Variants in ASTN2 observed in about 807,000 individuals in gnomAD.
ASTN2 encodes astrotactin-2.
In ASTN2, 54 loss-of-function variants were observed where a neutral mutation model predicts 139.8. The ratio of observed to expected loss-of-function variants is 0.39; its 90% CI spans 0.31 to 0.48. ASTN2 has a LOEUF of 0.48. ASTN2 is among the 20% of genes least tolerant of loss of function. The pLI is 0.95. For missense variants in ASTN2, 1,565 were observed against 1,725.1 expected, an observed-to-expected ratio of 0.91 and a Z score of 1.64; for synonymous variants, 756 against 719.5, an observed-to-expected ratio of 1.05 and a Z score of -0.81.
chr9:117,271,755 A>C (rs1367987285), intron 2 of ASTN2, among the ~76,000 whole-genome samples: 1 of 152,184 alleles, frequency 6.6e-6, no homozygotes, highest in Non-Finnish European at 1.5e-5. Flanking sequence ...TAAAGCTCCA[A>C]AATGATCTCT....
intron 11 of ASTN2, among the ~76,000 whole-genome samples, chr9:116,851,614 T>C (rs971347150): frequency 1.3e-5 from 2 of 152,148 alleles, no homozygotes; most frequent in Non-Finnish European, 2.9e-5. Flanking sequence ...ATATTGTTCT[T>C]TATTTTTTCT....
intron 1 of ASTN2, among the ~76,000 whole-genome samples, chr9:117,295,797 A>G (rs943867784): frequency 6.6e-6 from 1 of 152,018 alleles, no homozygotes; most frequent in African/African-American, 2.4e-5. Flanking sequence ...GAAAACTCCA[A>G]AGTGGGAAAA....
intron 7 of ASTN2, among the ~76,000 whole-genome samples, chr9:116,982,289 G>C (rs1022510261): frequency 6.6e-6 from 1 of 152,086 alleles, no homozygotes; most frequent in Admixed American, 6.6e-5. Flanking sequence ...ACCTATAATG[G>C]AGCTGACACC....
chr9:117,164,496 T>TG (rs34736541), intron 3 of ASTN2, among the ~76,000 whole-genome samples: 1 of 152,208 alleles, frequency 6.6e-6, no homozygotes, highest in South Asian at 2.1e-4. Flanking sequence ...GTATGAAGTT[T>TG]GGGGAAAGAT....
intron 10 of ASTN2, among the ~76,000 whole-genome samples, chr9:116,885,252 C>G (rs1833565436): frequency 6.6e-6 from 1 of 152,108 alleles, no homozygotes. Context: ...GAAAATTACT[C>G]AAGGTGATGG....
intron 13 of ASTN2, among the ~76,000 whole-genome samples, chr9:116,733,779 C>T (rs560166463): frequency 3.5e-4 from 54 of 152,294 alleles, no homozygotes; most frequent in African/African-American, 1.0e-3. Flanking sequence ...CTGTTCCTCT[C>T]AGAACCTCAG....
chr9:116,847,363 C>T (rs1832470859), intron 11 of ASTN2, among the ~76,000 whole-genome samples: 1 of 152,160 alleles, frequency 6.6e-6, no homozygotes, highest in Non-Finnish European at 1.5e-5. Flanking sequence ...ATCTACCCGC[C>T]TTTGCCTCCC....
At chr9:116,571,047 A>C (rs1853486013) in intron 19 of ASTN2, among the ~76,000 whole-genome samples, 1 of 152,198 alleles carries the variant, frequency 6.6e-6, no homozygotes, top group African/African-American at 2.4e-5. Context: ...TAAGACACTC[A>C]CAGGTCAGGA....
At chr9:117,015,693 A>G (rs184573177) in intron 6 of ASTN2, among the ~76,000 whole-genome samples, 2 of 152,318 alleles carry the variant, frequency 1.3e-5, no homozygotes, top group Admixed American at 1.3e-4. Context: ...GAAAGAAGCT[A>G]AGAAAATGCT....
chr9:117,411,557 G>A (rs1051080668), intron 1 of ASTN2, among the ~76,000 whole-genome samples: 3 of 151,976 alleles, frequency 2.0e-5, no homozygotes, highest in African/African-American at 7.2e-5. Flanking sequence ...AGGTGACCTT[G>A]GTGCACGCAG....
chr9:116,610,426 G>A (rs1462415233), intron 19 of ASTN2, among the ~76,000 whole-genome samples: 10 of 152,064 alleles, frequency 6.6e-5, no homozygotes, highest in Non-Finnish European at 1.2e-4. Flanking sequence ...CCAACATGGC[G>A]AAACCCCATC....
At chr9:117,160,093 G>A (rs565240791) in intron 3 of ASTN2, among the ~76,000 whole-genome samples, 53 of 152,120 alleles carry the variant, frequency 3.5e-4, no homozygotes, top group Non-Finnish European at 6.2e-4. Context: ...ACATCTTAAT[G>A]GTCAAAGTAA....
intron 17 of ASTN2, among the ~76,000 whole-genome samples, chr9:116,623,890 C>A (rs1856303147): frequency 6.6e-6 from 1 of 151,994 alleles, no homozygotes. Flanking sequence ...CTGCTTGGGT[C>A]ATGTGCTTAT....
intron 10 of ASTN2, among the ~76,000 whole-genome samples, chr9:116,876,868 C>A (rs1031723135): frequency 6.6e-6 from 1 of 152,106 alleles, no homozygotes; most frequent in African/African-American, 2.4e-5. Context: ...AGTATTTGTG[C>A]AATTCACTTT....
At chr9:117,170,245 TC>T (rs1830759812) in intron 3 of ASTN2, among the ~76,000 whole-genome samples, 1 of 152,120 alleles carries the variant, frequency 6.6e-6, no homozygotes, top group Non-Finnish European at 1.5e-5. Context: ...TTCAATTGCA[TC>T]CACCTTCCAG....
At chr9:116,514,781 G>A (rs1297126221) in intron 19 of ASTN2, among the ~76,000 whole-genome samples, 2 of 152,190 alleles carry the variant, frequency 1.3e-5, no homozygotes, top group East Asian at 3.9e-4. Context: ...CCATGGGCAT[G>A]GGACCCTCTG....
chr9:117,252,945 T>C (rs956454704), intron 2 of ASTN2, among the ~76,000 whole-genome samples: 2 of 152,112 alleles, frequency 1.3e-5, no homozygotes, highest in African/African-American at 4.8e-5. Flanking sequence ...TATATGTTGT[T>C]GTTGCTGTTA....
intron 5 of ASTN2, among the ~76,000 whole-genome samples, chr9:117,076,581 T>C (rs1474780644): frequency 3.9e-5 from 6 of 152,256 alleles, no homozygotes; most frequent in South Asian, 4.2e-4. Flanking sequence ...AGGTCACTTT[T>C]GGAAGTTGGG....
At chr9:117,238,549 G>T (rs534960735) in intron 2 of ASTN2, among the ~76,000 whole-genome samples, 1 of 152,280 alleles carries the variant, frequency 6.6e-6, no homozygotes, top group African/African-American at 2.4e-5. Context: ...CCAGGCTATG[G>T]GTGAATCTCC....
Sources: allele counts gnomAD v4.1 joint callset (sites outside exome capture counted in the v4.1 genomes callset), GRCh38; gene constraint gnomAD v4.1.1; transcripts MANE v1.5; gene names NCBI Gene and HGNC (gene_info 2026-07-23, HGNC 2026-07-21).